MROH9: variants seen among roughly 807,000 people sequenced by gnomAD.
MROH9 encodes the protein maestro heat like repeat family member 9.
MROH9 carries 92 observed loss-of-function variants against 98.2 expected under a neutral mutation model. That is an observed-to-expected ratio of 0.94 (90% confidence interval 0.79 to 1.11). MROH9 has a LOEUF of 1.11. MROH9 is among the 50% of genes most tolerant of loss of function. MROH9 has a pLI of 0.00. For missense variants in MROH9, 1,057 were observed against 1,014.8 expected (o/e 1.04, Z -0.57); for synonymous variants, 397 against 368.9 (o/e 1.08, Z -0.87).
intron 20 of MROH9, among the ~76,000 whole-genome samples, chr1:171,051,939 G>T (rs1287503078): frequency 6.6e-6 from 1 of 152,024 alleles, no homozygotes; most frequent in Non-Finnish European, 1.5e-5. Context: ...GGTAATGATG[G>T]CTTCATAGGA....
At chr1:170,946,657 TAA>T (rs1477419276) in intron 2 of MROH9, among the ~76,000 whole-genome samples, 1 of 151,888 alleles carries the variant, frequency 6.6e-6, no homozygotes, top group Non-Finnish European at 1.5e-5. Context: ...AGGTCTGAAA[TAA>T]AAAGTTATTT....
intron 6 of MROH9, among the ~76,000 whole-genome samples, chr1:170,963,347 G>A (rs1650101086): frequency 6.6e-6 from 1 of 152,142 alleles, no homozygotes; most frequent in Non-Finnish European, 1.5e-5. Context: ...TGGCAGGGTT[G>A]TGGAGAAAAA....
At chr1:170,972,344 G>A (rs1255272783) in intron 8 of MROH9, among the ~76,000 whole-genome samples, 1 of 152,180 alleles carries the variant, frequency 6.6e-6, no homozygotes, top group Non-Finnish European at 1.5e-5. Context: ...AAAGTATTAA[G>A]CTATTTCCAA....
At chr1:171,022,398 C>T (rs536436370) in intron 17 of MROH9, among the ~76,000 whole-genome samples, 135 of 152,172 alleles carry the variant, frequency 8.9e-4, no homozygotes, top group African/African-American at 2.5e-3. Context: ...ATATATACAC[C>T]GTGGACTACT....
In MROH9 at chr1:171,019,917, A is replaced by G. The variant is rs1652458884; in HGVS notation, c.1908+3581A>G. Among the ~76,000 whole-genome samples, 3 of 152,188 alleles carry G rather than the reference A, an allele frequency of 2.0e-5. No homozygotes were observed. The South Asian group carries it at 6.2e-4, about 31-fold the overall frequency. On this transcript the variant is annotated intron_variant, in intron 17 of 21. Transcript: ENST00000367759. ...AGAATGAATTAAATAGACACAATAA[A>G]AAATGATAAGGGGGAAATCACCACT...
rs1198750015 is a variant in MROH9 at position 171,036,122 on chromosome 1, CA to C, written c.2281+10707del. ...ACAACGTTGAAATAAAAGCCAGTCA[CA>C]AAAAGTACATATTGTACAATTCCAT... is the stretch of plus-strand genomic sequence containing the variant. On this transcript the variant is annotated intron_variant, in intron 20 of 21. Transcript: ENST00000367759. Among the ~76,000 whole-genome samples, 6 of 152,108 alleles carry C rather than the reference CA, an allele frequency of 3.9e-5. No homozygotes were observed. In the South Asian group the frequency reaches 1.2e-3, roughly 32 times the overall value.
chr1:171,033,795 AG>A (rs1258950987), intron 20 of MROH9, among the ~76,000 whole-genome samples: 1 of 152,224 alleles, frequency 6.6e-6, no homozygotes, highest in African/African-American at 2.4e-5. Context: ...GATAGAAAAA[AG>A]AAATGCAAAT....
intron 13 of MROH9, 42 bp downstream of exon 13, chr1:170,995,573 C>A: frequency 6.2e-7 from 1 of 1,605,406 alleles, no homozygotes; most frequent in South Asian, 1.1e-5. Flanking sequence ...AAGAGATAAG[C>A]GTCCAGCTGT....
At position 170,960,391 on chromosome 1, in the gene MROH9, A is replaced by G. The variant is rs1456716648; in HGVS notation, c.288+794A>G. On this transcript the variant is annotated intron_variant, in intron 5 of 21. Coordinates refer to ENST00000367759, the MANE Select transcript of MROH9 (RefSeq NM_001163629.2). ...AAGAAAAATAACTTCTGAGTTAAAT[A>G]AAAGTCTTCTTCCAATACTAGAAAG... Among the ~76,000 whole-genome samples, 3 of 152,206 alleles carry G rather than the reference A, an allele frequency of 2.0e-5. No individual in the cohort carries two copies. In the South Asian group the frequency reaches 6.2e-4, roughly 31 times the overall value.
intron 8 of MROH9, among the ~76,000 whole-genome samples, chr1:170,973,718 A>T (rs760459881): frequency 6.6e-6 from 1 of 152,170 alleles, no homozygotes; most frequent in Non-Finnish European, 1.5e-5. Flanking sequence ...TCTACTAAAA[A>T]TACAAAATTA....
chr1:171,007,108 G>C (rs1171641584), intron 15 of MROH9, among the ~76,000 whole-genome samples: 1 of 152,164 alleles, frequency 6.6e-6, no homozygotes, highest in Non-Finnish European at 1.5e-5. Context: ...TTACAGACTG[G>C]CTTTGGCAGG....
chr1:170,959,169 A>C (rs1402821537), intron 4 of MROH9, among the ~76,000 whole-genome samples: 2 of 151,948 alleles, frequency 1.3e-5, no homozygotes, highest in African/African-American at 4.8e-5. Context: ...AGGTCAGGAG[A>C]TCGAGACCAT....
intron 7 of MROH9, among the ~76,000 whole-genome samples, chr1:170,968,084 AG>A (rs1650300501): frequency 6.6e-6 from 1 of 152,192 alleles, no homozygotes; most frequent in Admixed American, 6.5e-5. Flanking sequence ...AAAACCTGGC[AG>A]GGGAATTGAA....
chr1:170,943,745 T>C (rs562162344), intron 1 of MROH9, among the ~76,000 whole-genome samples: 18 of 151,952 alleles, frequency 1.2e-4, no homozygotes, highest in African/African-American at 3.1e-4. Context: ...ACATTATAGC[T>C]CAGGAGTATT....
chr1:170,991,407 G>T (rs1049240979), intron 11 of MROH9, among the ~76,000 whole-genome samples: 52 of 152,128 alleles, frequency 3.4e-4, no homozygotes, highest in Middle Eastern at 3.4e-3. Context: ...TACAGAGCTG[G>T]GTATTTCCAT....
intron 3 of MROH9, among the ~76,000 whole-genome samples, chr1:170,958,089 G>C (rs1017848597): frequency 6.6e-6 from 1 of 152,142 alleles, no homozygotes; most frequent in South Asian, 2.1e-4. Flanking sequence ...GATTACAGGC[G>C]TGAGCCACCA....
chr1:171,024,724 T>C lies in MROH9; in HGVS notation c.2137T>C (p.Tyr713His), dbSNP rs1652650706. 1 of 1,551,098 alleles carries C rather than the reference T, an allele frequency of 6.4e-7. No homozygotes were observed. Residue 713 changes from tyrosine (Y) to histidine (H), a missense_variant, in exon 19 of 22, where the codon TAC becomes CAC. Coordinates refer to ENST00000367759, the MANE Select transcript of MROH9 (RefSeq NM_001163629.2). ...ATCACGTTTGCTCAAAGATGAAAAT[T>C]ACAGTTTTGAGATGGTGGTGCTCAA... is the stretch of plus-strand genomic sequence containing the variant. The part of the protein sequence containing the change: ...STSRLLKDEN[Y>H]SFEMVVLNIC...
chr1:171,042,171 T>A (rs1653329314), intron 20 of MROH9, among the ~76,000 whole-genome samples: 1 of 152,100 alleles, frequency 6.6e-6, no homozygotes, highest in African/African-American at 2.4e-5. Context: ...ACCATCCTTC[T>A]ACTCTCTATG....
At chr1:170,965,705 T>G (rs900464592) in intron 7 of MROH9, among the ~76,000 whole-genome samples, 1 of 152,116 alleles carries the variant, frequency 6.6e-6, no homozygotes, top group Non-Finnish European at 1.5e-5. Flanking sequence ...TACTATCCTC[T>G]CCACACCAAC....
Sources: gnomAD v4.1 joint callset for allele counts (sites outside exome capture counted in the v4.1 genomes callset) on GRCh38, gnomAD v4.1.1 for gene constraint, MANE v1.5 for transcripts, NCBI Gene and HGNC (gene_info 2026-07-23, HGNC 2026-07-21) for gene names.